The following BRWD1 variants were observed in gnomAD, a reference collection of about 807,000 sequenced individuals.
The protein encoded by BRWD1 is bromodomain and WD repeat-containing protein 1.
In BRWD1, 82 loss-of-function variants were observed where a neutral mutation model predicts 251.2. The ratio of observed to expected loss-of-function variants is 0.33; its 90% CI spans 0.27 to 0.39. The LOEUF is 0.39. Among genes scored for constraint, BRWD1 ranks in the 10% least tolerant of loss-of-function variants. BRWD1 has a pLI of 1.00. For missense variants in BRWD1, 2,233 were observed against 2,711.6 expected, an observed-to-expected ratio of 0.82 and a Z score of 3.92; for synonymous variants, 918 against 902.8, an observed-to-expected ratio of 1.02 and a Z score of -0.30.
At chr21:39,314,555 G>A, upstream of BRWD1, 1 of 346,950 alleles carries the variant, frequency 2.9e-6, no homozygotes, top group South Asian at 2.1e-5. Context: ...GGTTGGAGAG[G>A]TGGACGACGA....
intron 4 of BRWD1, among the ~76,000 whole-genome samples, chr21:39,307,902 A>G (rs1286102043): frequency 1.3e-5 from 2 of 152,114 alleles, no homozygotes; most frequent in African/African-American, 4.8e-5. Context: ...CTATCATTCT[A>G]TAGGTATTTC....
intron 7 of BRWD1, 64 bp downstream of exon 7, chr21:39,295,679 A>T (rs73359571): frequency 7.9e-7 from 1 of 1,259,184 alleles, no homozygotes; most frequent in African/African-American, 1.5e-5. Flanking sequence ...GATTTCCTAG[A>T]TGATTCTGAA....
At position 39,196,675 on chromosome 21, in the gene BRWD1, G is replaced by A; in HGVS notation, c.6394C>T (p.His2132Tyr). ...AEKEVKRKRS[H>Y]PELENVKISE... The stretch of plus-strand genomic sequence containing the variant: ...ATTTTCACATTTTCCAATTCAGGAT[G>A]CGATCTCTTCCTTTTTACTTCCTTC... Residue 2132 changes from histidine (H) to tyrosine (Y), a missense_variant, in exon 41 of 41, where the codon CAT becomes TAT. His to Tyr is a moderately conservative substitution (Grantham distance 83, BLOSUM62 2). Transcript: ENST00000342449. 1 of 1,613,900 alleles carries A rather than the reference G, an allele frequency of 6.2e-7. No individual in the cohort carries two copies. The highest frequency in any genetic ancestry group is 1.1e-5 in the South Asian group (1 of 91,074).
chr21:39,187,460 AAC>A lies in BRWD1; in HGVS notation c.*8797_*8798del, dbSNP rs769237353. On this transcript the variant is annotated 3_prime_UTR_variant, in exon 41 of 41. Coordinates refer to ENST00000342449, the MANE Select transcript of BRWD1 (RefSeq NM_033656.4). ...GTTCATGTAAATGCAAAAATCTTGT[AAC>A]ACAAGATTTTACTACTGCTAACATT... 181 of 1,514,204 alleles carry A rather than the reference AAC, an allele frequency of 1.2e-4. No homozygotes were observed. In the African/African-American group the frequency reaches 1.7e-3, roughly 14 times the overall value. The allele number at this position is 1,514,204 out of a possible 1,614,324, so 93.8% of individuals were successfully genotyped here.
rs143771039 is a variant in BRWD1 at position 39,238,132 on chromosome 21, C to G, written c.2576+347G>C. Among the ~76,000 whole-genome samples the G allele has an allele frequency of 9.6e-3, 1,458 of 151,978 alleles. 11 individuals are homozygous for G. The highest frequency in any genetic ancestry group is 0.024 in the Middle Eastern group (7 of 294). ...TTTTGGACCCAGGAAATCTGGATCTCAAAACTAACAAAAATTCAACACATG... is the reference window on the plus strand; with the variant it reads ...TTTTGGACCCAGGAAATCTGGATCTGAAAACTAACAAAAATTCAACACATG... On this transcript the variant is annotated intron_variant, in intron 22 of 40. Coordinates refer to ENST00000342449, the MANE Select transcript of BRWD1 (RefSeq NM_033656.4).
At chr21:39,209,499 A>G (rs745831361) in intron 36 of BRWD1, among the ~76,000 whole-genome samples, 2 of 152,090 alleles carry the variant, frequency 1.3e-5, no homozygotes, top group African/African-American at 2.4e-5. Flanking sequence ...CACATCAAGC[A>G]AAGAGCCTCC....
intron 17 of BRWD1, among the ~76,000 whole-genome samples, chr21:39,263,674 C>T (rs2034827378): frequency 6.6e-6 from 1 of 152,106 alleles, no homozygotes; most frequent in South Asian, 2.1e-4. Context: ...AGAAAATAAC[C>T]ACTTTGGAGT....
intron 35 of BRWD1, 115 bp downstream of exon 35, chr21:39,210,671 C>T: frequency 7.9e-7 from 1 of 1,273,682 alleles, no homozygotes; most frequent in Non-Finnish European, 1.1e-6. Flanking sequence ...GTGATAGGAG[C>T]AAAAAAGTTA....
intron 18 of BRWD1, 68 bp downstream of exon 18, chr21:39,258,419 A>G (rs1433715375): frequency 7.5e-7 from 1 of 1,324,642 alleles, no homozygotes; most frequent in Non-Finnish European, 1.0e-6. Context: ...GTACCTGACA[A>G]AGACTTCGTT....
At chr21:39,202,638 T>C in intron 37 of BRWD1, 93 bp from the exon 38 acceptor site, 1 of 797,556 alleles carries the variant, frequency 1.3e-6, no homozygotes, top group Non-Finnish European at 1.9e-6. Flanking sequence ...ATATCATATT[T>C]CTTAAACTGA....
intron 10 of BRWD1, among the ~76,000 whole-genome samples, chr21:39,278,124 C>T (rs902297705): frequency 8.5e-5 from 13 of 152,102 alleles, no homozygotes; most frequent in African/African-American, 3.1e-4. Context: ...ACTGGGATTA[C>T]AGGCATTGAG....
At chr21:39,201,314 G>C (rs2032099280) in intron 38 of BRWD1, among the ~76,000 whole-genome samples, 1 of 152,104 alleles carries the variant, frequency 6.6e-6, no homozygotes, top group African/African-American at 2.4e-5. Flanking sequence ...CCATCACCTT[G>C]ACTCCCTGTT....
At position 39,251,211 on chromosome 21, in the gene BRWD1, A is replaced by G. The variant is rs145731252; in HGVS notation, c.2256-322T>C. Reference sequence around the variant, plus strand: ...TTCCAAGATTGCAATTCCTTTCTCTAAAGAAAAAATAAGCAGAGTCTGCCT... The same window carrying G: ...TTCCAAGATTGCAATTCCTTTCTCTGAAGAAAAAATAAGCAGAGTCTGCCT... On this transcript the variant is annotated intron_variant, in intron 19 of 40. Coordinates refer to ENST00000342449, the MANE Select transcript of BRWD1 (RefSeq NM_033656.4). 1.8e-4 allele frequency among the ~76,000 whole-genome samples: 27 copies of G among 152,298 alleles called. No homozygotes were observed. In the East Asian group the frequency reaches 5.2e-3, roughly 29 times the overall value.
rs142600295 is a variant in BRWD1 at position 39,320,437 on chromosome 21, T to C, written n.534+589A>G. On this transcript the variant is annotated intron_variant and non_coding_transcript_variant, in intron 1 of 4. Transcript: ENST00000470108. ...GCAGCCTCGATCTTTCAGGCACAAT[T>C]GATCCTCCCACCTCTGCCTCCCAGG... Among the ~76,000 whole-genome samples the C allele has an allele frequency of 3.4e-3, 516 of 152,138 alleles. 3 individuals carry two copies. The highest frequency in any genetic ancestry group is 0.012 in the African/African-American group (497 of 41,528).
Position 39,196,510 on chromosome 21 carries a change from C to T in BRWD1, c.6559G>A (p.Val2187Ile). The T allele has an allele frequency of 1.2e-6, 2 of 1,613,542 alleles. No homozygotes were observed. The highest frequency in any genetic ancestry group is 1.7e-6 in the Non-Finnish European group (2 of 1,179,746). ...KRRKTKGKAK[V>I]VRKGKTFTAN... ...GTAAAAGTTTTACCTTTTCTAACTA[C>T]TTTTGCTTTTCCTTTCGTTTTCCTC... The change falls in exon 41 of 41, where the codon GTA becomes ATA. Residue 2187 changes from valine to isoleucine, a missense_variant. Transcript: ENST00000342449.
rs1282219120 is a variant in BRWD1 at position 39,190,018 on chromosome 21, G to A, written c.*6241C>T. 2.0e-5 allele frequency: 20 copies of A among 985,212 alleles called. No homozygotes were observed. The highest frequency in any genetic ancestry group is 2.3e-5 in the Non-Finnish European group (19 of 829,902). 61.0% of individuals were successfully genotyped at this position (985,212 alleles called of 1,614,324 possible). A position where few individuals can be genotyped will look rare whatever the true frequency, so the allele number is the denominator to read the frequency against. On this transcript the variant is annotated 3_prime_UTR_variant, in exon 41 of 41. Coordinates refer to ENST00000342449, the MANE Select transcript of BRWD1 (RefSeq NM_033656.4). ...GGAAGTGATTCCCTACTTGGGTATG[G>A]CAAGAACACATCAGTAGTGTAAAAC...
At chr21:39,230,351 A>C (rs373659121) in intron 25 of BRWD1, among the ~76,000 whole-genome samples, 2 of 152,302 alleles carry the variant, frequency 1.3e-5, no homozygotes, top group South Asian at 4.1e-4. Context: ...TCACTGAACA[A>C]ATGTTATTAT....
Position 39,196,485 on chromosome 21 carries a change from G to C in BRWD1, c.6584C>G (p.Thr2195Arg). 1 of 1,613,192 alleles carries C rather than the reference G, an allele frequency of 6.2e-7. No individual in the cohort carries two copies. Among genetic ancestry groups the C allele is most frequent in the Non-Finnish European group, 8.5e-7 (1 of 1,179,632 alleles). The change falls in exon 41 of 41, where the codon ACA (threonine) becomes AGA (arginine). Residue 2195 changes from threonine to arginine, a missense_variant. Transcript: ENST00000342449. ...AKVVRKGKTFTANISKTVRRQ... is the reference protein window; with the variant it reads ...AKVVRKGKTFRANISKTVRRQ... Reference sequence around the variant, plus strand: ...TCTCACAGTTTTAGATATGTTAGCTGTAAAAGTTTTACCTTTTCTAACTAC... The same window carrying C: ...TCTCACAGTTTTAGATATGTTAGCTCTAAAAGTTTTACCTTTTCTAACTAC...
Position 39,189,257 on chromosome 21 carries a change from C to G in BRWD1, c.*7002G>C, listed in dbSNP as rs1010581586. 2 of 984,362 alleles carry G rather than the reference C, an allele frequency of 2.0e-6. No individual in the cohort carries two copies. Among genetic ancestry groups the G allele is most frequent in the African/African-American group, 1.7e-5 (1 of 57,192 alleles). 61.0% of individuals were successfully genotyped at this position (984,362 alleles called of 1,614,324 possible). On this transcript the variant is annotated 3_prime_UTR_variant, in exon 41 of 41. Transcript: ENST00000342449. ...ACCATTTGCATTTGGAAGAAAAGAA[C>G]AGATAACTGGTTCATTCCCAACAAC...
Sources: gnomAD v4.1 joint callset for allele counts (sites outside exome capture counted in the v4.1 genomes callset) on GRCh38, gnomAD v4.1.1 for gene constraint, MANE v1.5 for transcripts, NCBI Gene and HGNC (gene_info 2026-07-23, HGNC 2026-07-21) for gene names.